ZSWIM6: variants seen among roughly 807,000 people sequenced by gnomAD.
ZSWIM6 encodes zinc finger SWIM-type containing 6, also known as zinc finger SWIM domain-containing protein 6.
Under a neutral mutation model 113.2 loss-of-function variants are expected in ZSWIM6, and 9 were observed. That is an observed-to-expected ratio of 0.08 (90% CI 0.05 to 0.14). The LOEUF is 0.14. Ranked by LOEUF, ZSWIM6 falls within the 10% of genes least tolerant of loss-of-function variation. The pLI, the probability that ZSWIM6 is intolerant of heterozygous loss-of-function variation, is 1.00. For missense variants in ZSWIM6, 1,162 were observed against 1,552.2 expected, an observed-to-expected ratio of 0.75 and a Z score of 4.22; for synonymous variants, 611 against 606.5, an observed-to-expected ratio of 1.01 and a Z score of -0.11.
chr5:61,496,997 T>A (rs1478409025), intron 4 of ZSWIM6, among the ~76,000 whole-genome samples: 1 of 151,960 alleles, frequency 6.6e-6, no homozygotes, highest in Non-Finnish European at 1.5e-5. Context: ...GTGGGGCCGC[T>A]CTGTGACAGC....
intron 4 of ZSWIM6, among the ~76,000 whole-genome samples, chr5:61,496,145 A>T (rs1459644973): frequency 6.6e-6 from 1 of 152,238 alleles, no homozygotes; most frequent in African/African-American, 2.4e-5. Context: ...AGCTGATTCT[A>T]GTTATGCCCT....
intron 1 of ZSWIM6, among the ~76,000 whole-genome samples, chr5:61,406,690 T>TTTTTTTTATTTATTTA (rs368739340): frequency 6.9e-6 from 1 of 145,878 alleles, no homozygotes; most frequent in African/African-American, 2.5e-5. Context: ...CTCAGAAATC[T>TTTTTTTTATTTATTTA]TTTATTTATT....
At chr5:61,385,243 G>C (rs546984968) in intron 1 of ZSWIM6, among the ~76,000 whole-genome samples, 1 of 152,290 alleles carries the variant, frequency 6.6e-6, no homozygotes, top group African/African-American at 2.4e-5. Flanking sequence ...CAAATATTTT[G>C]AGAAATATTT....
At chr5:61,449,793 G>A (rs573356223) in intron 1 of ZSWIM6, among the ~76,000 whole-genome samples, 7 of 150,610 alleles carry the variant, frequency 4.6e-5, no homozygotes, top group Non-Finnish European at 9.0e-5. Flanking sequence ...TTGTAAGGGT[G>A]GGTACTTTAG....
At chr5:61,438,517 A>G (rs1746759827) in intron 1 of ZSWIM6, among the ~76,000 whole-genome samples, 2 of 152,220 alleles carry the variant, frequency 1.3e-5, no homozygotes, top group Non-Finnish European at 2.9e-5. Flanking sequence ...GTTACAGACA[A>G]CACCAGGGAA....
At chr5:61,451,711 A>G (rs893109029) in intron 1 of ZSWIM6, among the ~76,000 whole-genome samples, 4 of 152,162 alleles carry the variant, frequency 2.6e-5, no homozygotes, top group African/African-American at 9.6e-5. Context: ...GTTTTACCCT[A>G]TAGATTCTGA....
intron 1 of ZSWIM6, among the ~76,000 whole-genome samples, chr5:61,368,675 A>G (rs1486469175): frequency 6.6e-6 from 1 of 152,338 alleles, no homozygotes; most frequent in African/African-American, 2.4e-5. Context: ...AGTAGATGAA[A>G]CAACTCTTAC....
chr5:61,543,643 C>G lies in ZSWIM6; in HGVS notation c.2974C>G (p.Pro992Ala), dbSNP rs758297289. Reference sequence around the variant, plus strand: ...TGCACTGCAGTGTGCCATGAAGGATCCACAGAACTGTGCCCTCTCTGCGCT... The same window carrying G: ...TGCACTGCAGTGTGCCATGAAGGATGCACAGAACTGTGCCCTCTCTGCGCT... ...TLALQCAMKD[P>A]QNCALSALTL... The change falls in exon 14 of 14, where the codon CCA becomes GCA. Residue 992 changes from proline (P) to alanine (A), a missense_variant. Pro to Ala is a conservative substitution (Grantham distance 27). Transcript: ENST00000252744. This position sits in a 1 kb window ranked among gnomAD's most constrained non-coding sequence, Gnocchi z 4.3. 1.3e-6 allele frequency: 2 copies of G among 1,551,640 alleles called. No homozygotes were observed. Among genetic ancestry groups the G allele is most frequent in the Non-Finnish European group, 1.7e-6 (2 of 1,147,024 alleles).
chr5:61,394,272 C>T (rs1003522005), intron 1 of ZSWIM6, among the ~76,000 whole-genome samples: 59 of 152,300 alleles, frequency 3.9e-4, no homozygotes, highest in Admixed American at 2.4e-3. Flanking sequence ...TGGCACATCC[C>T]GCTTGGAGTG....
chr5:61,368,161 G>A lies in ZSWIM6; in HGVS notation c.676+35213G>A, dbSNP rs139006334. On this transcript the variant is annotated intron_variant, in intron 1 of 13. Coordinates refer to ENST00000252744, the MANE Select transcript of ZSWIM6 (RefSeq NM_020928.2). Reference sequence around the variant, plus strand: ...AAGTTTCTACCTACACGGTAGGATTGTTGTGAGGATTCAGTGAGATTTCAT... The same window carrying A: ...AAGTTTCTACCTACACGGTAGGATTATTGTGAGGATTCAGTGAGATTTCAT... Among the ~76,000 whole-genome samples, 477 of 152,236 alleles carry A rather than the reference G, an allele frequency of 3.1e-3. 2 individuals are homozygous for A. Among genetic ancestry groups the A allele is most frequent in the African/African-American group, 0.011 (456 of 41,552 alleles).
intron 1 of ZSWIM6, among the ~76,000 whole-genome samples, chr5:61,450,530 T>G (rs1747064268): frequency 6.6e-6 from 1 of 152,216 alleles, no homozygotes; most frequent in Admixed American, 6.5e-5. Context: ...ATTGCCACAT[T>G]GCCACATTTT....
chr5:61,520,172 T>A (rs927792253), intron 4 of ZSWIM6, among the ~76,000 whole-genome samples: 2 of 152,164 alleles, frequency 1.3e-5, no homozygotes, highest in Admixed American at 6.5e-5. Context: ...GTACGCCCTA[T>A]CTTTTGGATA....
In ZSWIM6 at chr5:61,539,638, A is replaced by G; in HGVS notation, c.2582A>G (p.Lys861Arg). The G allele has an allele frequency of 6.4e-7, 1 of 1,552,050 alleles. No individual in the cohort carries two copies. The highest frequency in any genetic ancestry group is 8.7e-7 in the Non-Finnish European group (1 of 1,147,050). The change falls in exon 12 of 14, where the codon AAA becomes AGA. Residue 861 changes from lysine (K) to arginine (R), a missense_variant. Transcript: ENST00000252744. ...GAAACAGTATTAGAATCCATCCAGA[A>G]AAACATTCACTCCTCATCACACATC... ...RLETVLESIQ[K>R]NIHSSSHIFK...
chr5:61,538,357 A>G (rs970429934), intron 10 of ZSWIM6, among the ~76,000 whole-genome samples: 1 of 152,228 alleles, frequency 6.6e-6, no homozygotes, highest in Non-Finnish European at 1.5e-5. Context: ...AAGCTTATTC[A>G]TCTTAAGTAC....
At chr5:61,489,254 A>T (rs1443242216) in intron 2 of ZSWIM6, among the ~76,000 whole-genome samples, 1 of 151,928 alleles carries the variant, frequency 6.6e-6, no homozygotes, top group Non-Finnish European at 1.5e-5. Context: ...GCTCAGTGCC[A>T]TTTCATCAAG....
chr5:61,498,419 C>T (rs911953843), intron 4 of ZSWIM6, among the ~76,000 whole-genome samples: 1 of 152,180 alleles, frequency 6.6e-6, no homozygotes, highest in Non-Finnish European at 1.5e-5. Context: ...GTTCTTTTCA[C>T]GGCTTCTCAT....
chr5:61,480,039 C>T (rs1449835748), intron 2 of ZSWIM6, among the ~76,000 whole-genome samples: 2 of 151,934 alleles, frequency 1.3e-5, no homozygotes, highest in African/African-American at 4.8e-5. Context: ...TTCCTGAGAA[C>T]TTTGCACTTA....
intron 1 of ZSWIM6, among the ~76,000 whole-genome samples, chr5:61,341,226 G>A (rs1019202247): frequency 3.5e-5 from 3 of 84,904 alleles, no homozygotes; most frequent in African/African-American, 1.1e-4. Flanking sequence ...GTGTGTGTGA[G>A]TGTGCCCTAC....
intron 4 of ZSWIM6, among the ~76,000 whole-genome samples, chr5:61,511,974 A>G (rs1224835594): frequency 6.6e-6 from 1 of 152,156 alleles, no homozygotes; most frequent in Non-Finnish European, 1.5e-5. Flanking sequence ...GTCTTACTAT[A>G]CTATAAAATA....
Sources: allele counts gnomAD v4.1 joint callset (sites outside exome capture counted in the v4.1 genomes callset), GRCh38; gene constraint gnomAD v4.1.1; non-coding constraint Gnocchi (gnomAD v3.1); transcripts MANE v1.5; gene names NCBI Gene and HGNC (gene_info 2026-07-23, HGNC 2026-07-21).